Variants in ABCC2 observed in about 807,000 individuals in gnomAD.
ABCC2 encodes ATP-binding cassette sub-family C member 2.
ABCC2 carries 157 observed loss-of-function variants against 173.4 expected under a neutral mutation model. The observed-to-expected ratio is 0.91, with a 90% CI of 0.80 to 1.03. The LOEUF is 1.03. Among genes scored for constraint, ABCC2 ranks in the 50% least tolerant of loss-of-function variants. ABCC2 has a pLI of 0.00. For synonymous variants in ABCC2, 657 were observed against 693.5 expected (o/e 0.95, Z 0.83); for missense variants, 1,822 against 1,852.3 (o/e 0.98, Z 0.30).
At chr10:99,845,558 C>G in intron 28 of ABCC2, 66 bp from the exon 29 acceptor site, 1 of 1,590,192 alleles carries the variant, frequency 6.3e-7, no homozygotes, top group Non-Finnish European at 8.6e-7. Context: ...TGTGAATGCC[C>G]AGGCTAAATA....
chr10:99,836,314 C>T (rs753128927), intron 25 of ABCC2, 24 bp downstream of exon 25: 18 of 1,612,572 alleles, frequency 1.1e-5, no homozygotes, highest in South Asian at 6.6e-5. Context: ...TGGGTATTTA[C>T]CCATGTGTGT....
chr10:99,836,246 T>G lies in ABCC2; in HGVS notation c.3570T>G (p.Ile1190Met). ...TTCTGAAACACAATGAGGTGAGGATTGACACCAACCAGAAATGTGTCTTTT... is the reference window on the plus strand; with the variant it reads ...TTCTGAAACACAATGAGGTGAGGATGGACACCAACCAGAAATGTGTCTTTT... ...QRFLKHNEVRIDTNQKCVFSW... is the reference protein window; with the variant it reads ...QRFLKHNEVRMDTNQKCVFSW... The change falls in exon 25 of 32, where the codon ATT (isoleucine) becomes ATG (methionine). Residue 1190 changes from isoleucine to methionine, a missense_variant. Transcript: ENST00000647814. 1 of 1,614,194 alleles carries G rather than the reference T, an allele frequency of 6.2e-7. No individual in the cohort carries two copies. The highest frequency in any genetic ancestry group is 8.5e-7 in the Non-Finnish European group (1 of 1,180,042).
intron 16 of ABCC2, among the ~76,000 whole-genome samples, chr10:99,814,678 C>CACACACATGTGTATATACACATAT (rs2038358353): frequency 1.7e-5 from 2 of 119,534 alleles, no homozygotes; most frequent in African/African-American, 3.1e-5. Context: ...TACACATATA[C>CACACACATGTGTATATACACATAT]ACACACGTGT....
intron 19 of ABCC2, among the ~76,000 whole-genome samples, chr10:99,819,961 C>G (rs1329474075): frequency 6.6e-6 from 1 of 152,216 alleles, no homozygotes; most frequent in African/African-American, 2.4e-5. Context: ...TTGTCACCAG[C>G]AGGAGTTCAG....
At chr10:99,800,080 G>A (rs2037987585) in intron 8 of ABCC2, among the ~76,000 whole-genome samples, 1 of 152,174 alleles carries the variant, frequency 6.6e-6, no homozygotes, top group African/African-American at 2.4e-5. Context: ...TATGCCTGTA[G>A]ACCCAGCTAT....
At chr10:99,844,808 T>C (rs762360009) in intron 28 of ABCC2, among the ~76,000 whole-genome samples, 3 of 152,092 alleles carry the variant, frequency 2.0e-5, no homozygotes, top group Non-Finnish European at 4.4e-5. Flanking sequence ...CTGTTGAGAA[T>C]AGCAGTGTGG....
chr10:99,848,231 A>G (rs1160706273), intron 30 of ABCC2, among the ~76,000 whole-genome samples: 3 of 152,352 alleles, frequency 2.0e-5, no homozygotes, highest in East Asian at 1.9e-4. Context: ...CTGTTGAAAC[A>G]CCTGAAATCA....
At chr10:99,800,349 C>G in intron 8 of ABCC2, 37 bp from the exon 9 acceptor site, 1 of 1,612,002 alleles carries the variant, frequency 6.2e-7, no homozygotes, top group Non-Finnish European at 8.5e-7. Context: ...TCCTTGGAGG[C>G]CTTATGGGTA....
chr10:99,800,890 T>C (rs1184515985), intron 9 of ABCC2, among the ~76,000 whole-genome samples: 2 of 152,174 alleles, frequency 1.3e-5, no homozygotes, highest in African/African-American at 4.8e-5. Flanking sequence ...TGAAATGCCT[T>C]GGAAAAGAAT....
chr10:99,826,518 G>A (rs2038641921), intron 19 of ABCC2, among the ~76,000 whole-genome samples: 1 of 151,560 alleles, frequency 6.6e-6, no homozygotes, highest in African/African-American at 2.4e-5. Context: ...GGCGCTTCCT[G>A]GGTCTTGGAT....
intron 6 of ABCC2, among the ~76,000 whole-genome samples, chr10:99,796,818 G>A (rs1161480621): frequency 1.3e-5 from 2 of 152,232 alleles, no homozygotes; most frequent in Non-Finnish European, 2.9e-5. Context: ...TGGCAGAGAG[G>A]CAGCCAGTGT....
chr10:99,840,558 T>A (rs1319265321), intron 25 of ABCC2, among the ~76,000 whole-genome samples: 4,158 of 149,968 alleles, frequency 0.028, 1 homozygote, highest in African/African-American at 0.097. Context: ...CTGGGTGGAG[T>A]GCAGTGGTGC....
At chr10:99,802,503 T>G (rs865793770) in intron 9 of ABCC2, among the ~76,000 whole-genome samples, 23 of 152,090 alleles carry the variant, frequency 1.5e-4, no homozygotes, top group South Asian at 6.2e-4. Context: ...GTTGTTGTTT[T>G]TTTTTTTTTC....
intron 21 of ABCC2, 28 bp from the exon 22 acceptor site, chr10:99,831,583 T>C: frequency 6.3e-7 from 1 of 1,597,982 alleles, no homozygotes; most frequent in Non-Finnish European, 8.6e-7. Flanking sequence ...TAGGGAGTTC[T>C]ACTAATATTG....
rs1472006497 is a variant in ABCC2, at chr10:99,808,206, A to G, written c.1792A>G (p.Met598Val). 3.1e-6 allele frequency: 5 copies of G among 1,613,936 alleles called. No homozygotes were observed. The Admixed American group carries it at 5.0e-5, about 16-fold the overall frequency. Residue 598 changes from methionine to valine, a missense_variant, in exon 13 of 32, where the codon ATG becomes GTG. By Grantham distance (21) the Met-to-Val change is conservative. Coordinates refer to ENST00000647814, the MANE Select transcript of ABCC2 (RefSeq NM_000392.5). ...GCGCTTTCCCCTGAGCATGCTTCCC[A>G]TGATGATCTCCTCCATGCTCCAGGT... is the stretch of plus-strand genomic sequence containing the variant. Reference protein sequence around the residue: ...ILRFPLSMLPMMISSMLQASV... With the variant: ...ILRFPLSMLPVMISSMLQASV...
chr10:99,783,283 A>G (rs546917432), intron 1 of ABCC2, among the ~76,000 whole-genome samples: 70 of 152,330 alleles, frequency 4.6e-4, no homozygotes, highest in Admixed American at 7.8e-4. Flanking sequence ...AAGTTCTAGA[A>G]CTGGCAACTA....
chr10:99,784,900 A>G, intron 2 of ABCC2, 119 bp downstream of exon 2: 1 of 1,259,438 alleles, frequency 7.9e-7, no homozygotes, highest in African/African-American at 1.5e-5. Context: ...CCATTGTCTC[A>G]GGTAGAGCCA....
At position 99,819,145 on chromosome 10, in the gene ABCC2, A is replaced by C. The variant is rs2038480513; in HGVS notation, c.2496A>C (p.Val832=). The change falls in exon 19 of 32, where the codon GTA becomes GTC. Residue 832 remains valine (V), a synonymous_variant. Coordinates refer to ENST00000647814, the MANE Select transcript of ABCC2 (RefSeq NM_000392.5). ...TTCTTCCTCAAGTGGATGAGATTGT[A>C]GTTCTGGGGAATGGAACAATTGTAG... ...MHFLPQVDEI[V]VLGNGTIVEK... 2.5e-6 allele frequency: 4 copies of C among 1,614,178 alleles called. No individual in the cohort carries two copies. In the African/African-American group the frequency reaches 5.3e-5, roughly 22 times the overall value.
At chr10:99,784,923 C>T in intron 2 of ABCC2, 142 bp downstream of exon 2, 1 of 1,004,924 alleles carries the variant, frequency 1.0e-6, no homozygotes, top group Non-Finnish European at 1.5e-6. Context: ...CTCAAGGTTT[C>T]CCTCACGGGT....
Sources: gnomAD v4.1 joint callset for allele counts (sites outside exome capture counted in the v4.1 genomes callset) on GRCh38, gnomAD v4.1.1 for gene constraint, MANE v1.5 for transcripts, NCBI Gene and HGNC (gene_info 2026-07-23, HGNC 2026-07-21) for gene names.